Variants in ASIC2 observed in about 807,000 individuals in gnomAD.
ASIC2 encodes the protein acid-sensing ion channel 2.
Under a neutral mutation model 57.3 loss-of-function variants are expected in ASIC2, and 25 were observed. That is an observed-to-expected ratio of 0.44 (90% CI 0.32 to 0.61). ASIC2 has a LOEUF of 0.61. ASIC2 is among the 20% of genes least tolerant of loss of function. ASIC2 has a pLI of 0.06. For synonymous variants in ASIC2, 319 were observed against 307.5 expected, an observed-to-expected ratio of 1.04 and a Z score of -0.39; for missense variants, 641 against 738.1, an observed-to-expected ratio of 0.87 and a Z score of 1.52.
rs114685442 is a variant in ASIC2, at chr17:33,355,558, A to T, written c.556-243491T>A. On this transcript the variant is annotated intron_variant, in intron 1 of 9. Transcript: ENST00000359872. Reference sequence around the variant, plus strand: ...ACCCAGGCTCCTTCCTCCCTTTTGAATTTCTTAAATGCACAGCTTTTAAGA... The same window carrying T: ...ACCCAGGCTCCTTCCTCCCTTTTGATTTTCTTAAATGCACAGCTTTTAAGA... Among the ~76,000 whole-genome samples the T allele has an allele frequency of 4.8e-3, 725 of 152,236 alleles. 9 individuals carry two copies. The highest frequency in any genetic ancestry group is 0.017 in the African/African-American group (700 of 41,550).
intron 1 of ASIC2, among the ~76,000 whole-genome samples, chr17:33,885,340 G>A (rs1392368103): frequency 6.6e-6 from 1 of 152,170 alleles, no homozygotes; most frequent in Non-Finnish European, 1.5e-5. Context: ...CTAAATGTGT[G>A]ATACTAATAG....
intron 1 of ASIC2, among the ~76,000 whole-genome samples, chr17:33,660,337 AC>A (rs1169474183): frequency 1.3e-5 from 2 of 151,574 alleles, no homozygotes; most frequent in Non-Finnish European, 1.5e-5. Flanking sequence ...GGCTTTCTAA[AC>A]TTTTTAATTA....
chr17:33,602,140 A>T (rs535880642), intron 1 of ASIC2, among the ~76,000 whole-genome samples: 2 of 152,280 alleles, frequency 1.3e-5, no homozygotes, highest in South Asian at 4.1e-4. Flanking sequence ...TGGACTTTCG[A>T]GTTGATGCTG....
intron 1 of ASIC2, among the ~76,000 whole-genome samples, chr17:33,121,565 C>G (rs2092302240): frequency 1.3e-5 from 2 of 152,178 alleles, no homozygotes; most frequent in African/African-American, 4.8e-5. Context: ...CATGCTAATG[C>G]TTTCAGAAAG....
rs115425711 is a variant in ASIC2 at position 34,079,391 on chromosome 17, C to T, written c.555+76587G>A. On this transcript the variant is annotated intron_variant, in intron 1 of 9. Transcript: ENST00000359872. The stretch of plus-strand genomic sequence containing the variant: ...GACTTTGTCCATGCTGTTCTCACTC[C>T]CTCCCCTTCAGACTCCTCCTCACCT... 2.1e-3 allele frequency among the ~76,000 whole-genome samples: 327 copies of T among 152,274 alleles called. 1 individual carries two copies. The highest frequency in any genetic ancestry group is 7.2e-3 in the African/African-American group (298 of 41,532).
intron 1 of ASIC2, among the ~76,000 whole-genome samples, chr17:33,345,837 G>C (rs887327772): frequency 3.8e-4 from 58 of 152,096 alleles, no homozygotes; most frequent in African/African-American, 1.4e-3. Flanking sequence ...GGAATGAAAG[G>C]CACCAAAAAT....
intron 1 of ASIC2, among the ~76,000 whole-genome samples, chr17:34,050,770 A>G (rs1025700460): frequency 2.0e-5 from 3 of 152,204 alleles, no homozygotes; most frequent in Non-Finnish European, 4.4e-5. Context: ...GCAGAGCAAA[A>G]GATGATAAAT....
intron 1 of ASIC2, among the ~76,000 whole-genome samples, chr17:33,405,417 T>A (rs1567850407): frequency 6.6e-6 from 1 of 152,090 alleles, no homozygotes; most frequent in Non-Finnish European, 1.5e-5. Flanking sequence ...TGGAGAGAGA[T>A]CACCCCTCCC....
chr17:33,401,521 T>A (rs1910286930), intron 1 of ASIC2, among the ~76,000 whole-genome samples: 1 of 152,190 alleles, frequency 6.6e-6, no homozygotes, highest in South Asian at 2.1e-4. Context: ...TTGGCTGCAC[T>A]GGATAGATGT....
intron 1 of ASIC2, among the ~76,000 whole-genome samples, chr17:33,206,604 C>T (rs1907069960): frequency 6.6e-6 from 1 of 152,136 alleles, no homozygotes; most frequent in African/African-American, 2.4e-5. Context: ...CTGTCTTCCG[C>T]TTTCTATCCC....
At chr17:33,715,025 G>A (rs187709971) in intron 1 of ASIC2, among the ~76,000 whole-genome samples, 2 of 117,738 alleles carry the variant, frequency 1.7e-5, no homozygotes, top group Non-Finnish European at 3.5e-5. Flanking sequence ...TTGAGTCAGG[G>A]TTCTCTCTCT....
At chr17:33,192,444 CAAAACAA>C (rs1567779538) in intron 1 of ASIC2, among the ~76,000 whole-genome samples, 61 of 108,450 alleles carry the variant, frequency 5.6e-4, no homozygotes, top group Middle Eastern at 4.1e-3. Flanking sequence ...CAAAACAAAA[CAAAACAA>C]AACACAACCA....
At chr17:33,847,208 C>T (rs567637336) in intron 1 of ASIC2, among the ~76,000 whole-genome samples, 1 of 151,816 alleles carries the variant, frequency 6.6e-6, no homozygotes, top group East Asian at 1.9e-4. Flanking sequence ...CTAGTAGCTT[C>T]AGGCTCTACC....
chr17:33,735,705 G>GC (rs2142094014), intron 1 of ASIC2, among the ~76,000 whole-genome samples: 1 of 152,178 alleles, frequency 6.6e-6, no homozygotes, highest in South Asian at 2.1e-4. Context: ...CTCAACAGCG[G>GC]CTACCCACCT....
intron 1 of ASIC2, among the ~76,000 whole-genome samples, chr17:34,055,592 CTTT>C (rs1908737064): frequency 6.6e-6 from 1 of 152,018 alleles, no homozygotes; most frequent in African/African-American, 2.4e-5. Context: ...TTGTGCTTGC[CTTT>C]TTATCTTAGT....
At chr17:33,303,619 C>T (rs183766625) in intron 1 of ASIC2, among the ~76,000 whole-genome samples, 5 of 151,900 alleles carry the variant, frequency 3.3e-5, no homozygotes, top group Admixed American at 2.6e-4. Context: ...CTTTCTTTTC[C>T]TTCTCCCTCT....
intron 1 of ASIC2, among the ~76,000 whole-genome samples, chr17:33,933,731 T>A (rs1430027326): frequency 6.6e-6 from 1 of 152,178 alleles, no homozygotes; most frequent in African/African-American, 2.4e-5. Context: ...GATGTCAGGA[T>A]TAAAAGGAAA....
At chr17:33,268,463 T>G (rs1838911664) in intron 1 of ASIC2, among the ~76,000 whole-genome samples, 1 of 151,906 alleles carries the variant, frequency 6.6e-6, no homozygotes. Context: ...TGAGGAGCAG[T>G]AGGAAATAAG....
chr17:33,785,431 T>G (rs1043249316), intron 1 of ASIC2, among the ~76,000 whole-genome samples: 6 of 152,172 alleles, frequency 3.9e-5, no homozygotes, highest in Non-Finnish European at 7.3e-5. Flanking sequence ...AACAACTCCA[T>G]TTTATAGATG....
Sources: allele counts gnomAD v4.1 joint callset (sites outside exome capture counted in the v4.1 genomes callset), GRCh38; gene constraint gnomAD v4.1.1; transcripts MANE v1.5; gene names NCBI Gene and HGNC (gene_info 2026-07-23, HGNC 2026-07-21).